PDE3B: variants seen among roughly 807,000 people sequenced by gnomAD.
PDE3B encodes phosphodiesterase 3B.
PDE3B carries 66 observed loss-of-function variants against 116.8 expected under a neutral mutation model. That is an observed-to-expected ratio of 0.56 (90% CI 0.46 to 0.69). PDE3B has a LOEUF of 0.69. Ranked by LOEUF, PDE3B falls within the 30% of genes least tolerant of loss-of-function variation. The pLI, the probability that PDE3B is intolerant of heterozygous loss-of-function variation, is 0.00. For synonymous variants in PDE3B, 595 were observed against 533.6 expected, an observed-to-expected ratio of 1.12 and a Z score of -1.59; for missense variants, 1,384 against 1,368.1, an observed-to-expected ratio of 1.01 and a Z score of -0.18.
chr11:14,808,432 G>A (rs985182287), intron 5 of PDE3B, among the ~76,000 whole-genome samples: 9 of 152,130 alleles, frequency 5.9e-5, no homozygotes, highest in African/African-American at 7.2e-5. Flanking sequence ...CAAGGAAAAC[G>A]TAACCCATAG....
At chr11:14,709,996 G>C (rs1855654566) in intron 1 of PDE3B, among the ~76,000 whole-genome samples, 1 of 152,088 alleles carries the variant, frequency 6.6e-6, no homozygotes, top group African/African-American at 2.4e-5. Flanking sequence ...TTGATAGCTT[G>C]GTCCATTAAG....
intron 1 of PDE3B, among the ~76,000 whole-genome samples, chr11:14,761,869 T>A (rs1325223820): frequency 6.6e-6 from 1 of 152,216 alleles, no homozygotes; most frequent in East Asian, 1.9e-4. Context: ...GGTACATTTT[T>A]ATTTTAAATG....
At chr11:14,852,340 G>A (rs1847769583) in intron 12 of PDE3B, among the ~76,000 whole-genome samples, 1 of 152,232 alleles carries the variant, frequency 6.6e-6, no homozygotes, top group East Asian at 1.9e-4. Flanking sequence ...ACAGGCATGA[G>A]CTACCATGCC....
chr11:14,880,561 T>C, the PDE3B span: 1 of 1,613,444 alleles, frequency 6.2e-7, no homozygotes, highest in Non-Finnish European at 8.5e-7. Flanking sequence ...AATGATCAGA[T>C]TGGTTATGTT....
intron 2 of PDE3B, among the ~76,000 whole-genome samples, chr11:14,783,697 C>T (rs1858103283): frequency 6.6e-6 from 1 of 151,808 alleles, no homozygotes; most frequent in African/African-American, 2.4e-5. Context: ...ACCAGCATGG[C>T]ACATGTATAC....
chr11:14,850,849 G>C (rs1185660104), intron 12 of PDE3B, among the ~76,000 whole-genome samples: 2 of 152,118 alleles, frequency 1.3e-5, no homozygotes, highest in Non-Finnish European at 2.9e-5. Context: ...TGTTTTTTGA[G>C]ACGGAGTCCT....
chr11:14,825,616 A>G (rs1859664243), intron 7 of PDE3B, among the ~76,000 whole-genome samples: 1 of 152,250 alleles, frequency 6.6e-6, no homozygotes, highest in Non-Finnish European at 1.5e-5. Flanking sequence ...CACCCAACAC[A>G]GGAGTACCCA....
rs1859704725 is a variant in PDE3B, at chr11:14,826,762, G to A, written c.1808-3936G>A. On this transcript the variant is annotated intron_variant, in intron 7 of 15. Coordinates refer to ENST00000282096, the MANE Select transcript of PDE3B (RefSeq NM_000922.4). ...AGTATTACAAAAAACTGAAGAGGAAGGACTGAAAGTATTACAAAAAAATGA... is the reference window on the plus strand; with the variant it reads ...AGTATTACAAAAAACTGAAGAGGAAAGACTGAAAGTATTACAAAAAAATGA... 2.0e-5 allele frequency among the ~76,000 whole-genome samples: 3 copies of A among 147,326 alleles called. No homozygotes were observed. In the South Asian group the frequency reaches 6.6e-4, roughly 33 times the overall value.
chr11:14,725,128 C>T (rs567396480), intron 1 of PDE3B, among the ~76,000 whole-genome samples: 37 of 152,222 alleles, frequency 2.4e-4, no homozygotes, highest in African/African-American at 7.5e-4. Flanking sequence ...TCTTTTTAGC[C>T]ATGCTACTTT....
At chr11:14,815,164 A>C (rs1299892737) in intron 5 of PDE3B, among the ~76,000 whole-genome samples, 3 of 152,140 alleles carry the variant, frequency 2.0e-5, no homozygotes, top group Non-Finnish European at 4.4e-5. Flanking sequence ...AAAGAATTGA[A>C]AATAGTAACA....
intron 1 of PDE3B, among the ~76,000 whole-genome samples, chr11:14,664,058 C>G (rs760425411): frequency 3.9e-5 from 6 of 152,150 alleles, no homozygotes; most frequent in Non-Finnish European, 8.8e-5. Flanking sequence ...GAAATTATAA[C>G]AAGCTGTCTC....
intron 11 of PDE3B, among the ~76,000 whole-genome samples, chr11:14,841,180 A>C (rs1860211669): frequency 6.6e-6 from 1 of 151,958 alleles, no homozygotes; most frequent in African/African-American, 2.4e-5. Flanking sequence ...CTGAGCAAAC[A>C]GGAATTCCAC....
chr11:14,747,869 A>G (rs1436435127), intron 1 of PDE3B, among the ~76,000 whole-genome samples: 1 of 152,242 alleles, frequency 6.6e-6, no homozygotes, highest in East Asian at 1.9e-4. Context: ...CTTGTTATAG[A>G]AGTGCACACA....
chr11:14,788,289 C>T (rs1858272508), intron 3 of PDE3B, among the ~76,000 whole-genome samples: 1 of 151,936 alleles, frequency 6.6e-6, no homozygotes. Context: ...CTTGATATAA[C>T]TATCTTATAC....
chr11:14,691,092 A>G (rs1379304312), intron 1 of PDE3B, among the ~76,000 whole-genome samples: 2 of 152,224 alleles, frequency 1.3e-5, no homozygotes, highest in African/African-American at 4.8e-5. Flanking sequence ...AGGTCAAGAC[A>G]TAGGAGTGTT....
chr11:14,668,178 G>T (rs980754997), intron 1 of PDE3B, among the ~76,000 whole-genome samples: 1 of 151,982 alleles, frequency 6.6e-6, no homozygotes, highest in Non-Finnish European at 1.5e-5. Flanking sequence ...AGACAGTATC[G>T]ACGCTTTGAG....
intron 4 of PDE3B, among the ~76,000 whole-genome samples, chr11:14,797,139 G>GT (rs1249540620): frequency 6.6e-6 from 1 of 152,162 alleles, no homozygotes; most frequent in Non-Finnish European, 1.5e-5. Flanking sequence ...CCCATTGCTT[G>GT]TTGTGTCAGG....
chr11:14,673,541 G>T, intron 1 of PDE3B: 1 of 441,020 alleles, frequency 2.3e-6, no homozygotes, highest in South Asian at 2.1e-5. Context: ...GAACAAAAAT[G>T]TGTTTACAGA....
Position 14,644,305 on chromosome 11 carries a change from G to C in PDE3B, c.230G>C (p.Arg77Pro), listed in dbSNP as rs534967735. The C allele has an allele frequency of 5.1e-6, 8 of 1,564,274 alleles. No homozygotes were observed. The highest frequency in any genetic ancestry group is 6.0e-6 in the Non-Finnish European group (7 of 1,161,706). The change falls in exon 1 of 16, where the codon CGG becomes CCG. Residue 77 changes from arginine to proline, a missense_variant. Coordinates refer to ENST00000282096, the MANE Select transcript of PDE3B (RefSeq NM_000922.4). ...QQPRRCSPFC[R>P]ARLSLGALAA... Reference sequence around the variant, plus strand: ...CCGCGGCGCTGCTCCCCCTTCTGCCGGGCGCGCCTCTCGCTGGGCGCCCTG... The same window carrying C: ...CCGCGGCGCTGCTCCCCCTTCTGCCCGGCGCGCCTCTCGCTGGGCGCCCTG...
Sources: gnomAD v4.1 joint callset for allele counts (sites outside exome capture counted in the v4.1 genomes callset) on GRCh38, gnomAD v4.1.1 for gene constraint, MANE v1.5 for transcripts, NCBI Gene and HGNC (gene_info 2026-07-23, HGNC 2026-07-21) for gene names.